The following PKD2L2 variants were observed in gnomAD, a reference collection of about 807,000 sequenced individuals.
The protein encoded by PKD2L2 is polycystin-2-like protein 2.
Under a neutral mutation model 83.9 loss-of-function variants are expected in PKD2L2, and 67 were observed. The observed-to-expected ratio is 0.80, with a 90% CI of 0.66 to 0.98. The LOEUF (loss-of-function observed/expected upper bound fraction) is 0.98, where lower values mean the gene tolerates loss of function less well. PKD2L2 is among the 50% of genes least tolerant of loss of function. The pLI, the probability that PKD2L2 is intolerant of heterozygous loss-of-function variation, is 0.00. For missense variants in PKD2L2, 632 were observed against 717.2 expected (o/e 0.88, Z 1.36); for synonymous variants, 223 against 237.8 (o/e 0.94, Z 0.57).
At chr5:137,927,062 A>G (rs1301685332) in intron 12 of PKD2L2, among the ~76,000 whole-genome samples, 1 of 152,220 alleles carries the variant, frequency 6.6e-6, no homozygotes, top group African/African-American at 2.4e-5. Context: ...GCCAAATTTG[A>G]GAATATTTAA....
At chr5:137,893,725 C>G (rs17601227) in intron 3 of PKD2L2, among the ~76,000 whole-genome samples, 33,610 of 152,082 alleles carry the variant, frequency 0.22, 4,258 homozygotes, top group African/African-American at 0.35. Flanking sequence ...CAAGGAGACA[C>G]GGTCATTTCC....
chr5:137,889,501 G>T lies in PKD2L2; in HGVS notation c.10G>T (p.Ala4Ser). 6.4e-7 allele frequency: 1 copy of T among 1,561,588 alleles called. No homozygotes were observed. Residue 4 changes from alanine to serine, a missense_variant, in exon 1 of 15, where the codon GCG (alanine) becomes TCG (serine). Ala to Ser is a moderately conservative substitution (Grantham distance 99, BLOSUM62 1). Around this residue, in one of 3 missense-constraint regions of PKD2L2, gnomAD observed 229 missense variants for 281.5 expected, o/e 0.81. Coordinates refer to ENST00000508883, the MANE Select transcript of PKD2L2 (RefSeq NM_001300921.2). ...GTAGTGCAGGTCCGCCATGGCTGAG[G>T]CGTCACGGTGGCACCGAGGCGGTGA... is the stretch of plus-strand genomic sequence containing the variant. MAE[A>S]SRWHRGGASK...
chr5:137,921,724 A>C lies in PKD2L2; in HGVS notation c.1417A>C (p.Thr473Pro), dbSNP rs746603605. 3.7e-6 allele frequency: 6 copies of C among 1,608,320 alleles called. No individual in the cohort carries two copies. Among genetic ancestry groups the C allele is most frequent in the Non-Finnish European group, 5.1e-6 (6 of 1,176,092 alleles). The change falls in exon 9 of 15, where the codon ACT (threonine) becomes CCT (proline). Residue 473 changes from threonine (T) to proline (P), a missense_variant. By Grantham distance (38) the Thr-to-Pro change is conservative. Transcript: ENST00000508883. ...NPILGPIYFI[T>P]FIFFVFFVLL... ...TATCTTGGGACCCATTTACTTCATC[A>C]CTTTCATCTTTTTTGTGTTCTTTGT... is the stretch of plus-strand genomic sequence containing the variant.
At chr5:137,934,702 C>T (rs1205591101) in intron 12 of PKD2L2, among the ~76,000 whole-genome samples, 1 of 152,132 alleles carries the variant, frequency 6.6e-6, no homozygotes, top group East Asian at 1.9e-4. Flanking sequence ...ATCCCAGCTA[C>T]TCGGGAGGCT....
chr5:137,893,683 T>C (rs1305623562), intron 3 of PKD2L2, among the ~76,000 whole-genome samples: 1 of 152,180 alleles, frequency 6.6e-6, no homozygotes. Context: ...AGAGTTCATA[T>C]CATGAATGCT....
intron 12 of PKD2L2, among the ~76,000 whole-genome samples, chr5:137,929,607 C>T (rs1759698561): frequency 1.1e-5 from 1 of 94,488 alleles, no homozygotes; most frequent in African/African-American, 4.0e-5. Context: ...AACAGTATAA[C>T]TGCAACCAGA....
intron 1 of PKD2L2, 96 bp from the exon 2 acceptor site, chr5:137,890,385 G>T (rs773246182): frequency 3.0e-6 from 2 of 676,508 alleles, no homozygotes; most frequent in East Asian, 2.8e-5. Context: ...TTTCCTCCCC[G>T]CAGTGTAAGG....
chr5:137,939,685 A>G, intron 14 of PKD2L2: 1 of 201,414 alleles, frequency 5.0e-6, no homozygotes, highest in Non-Finnish European at 9.3e-6. Context: ...ATTAAACAGA[A>G]AGGTGTTCCA....
intron 6 of PKD2L2, 77 bp downstream of exon 6, chr5:137,906,511 A>C (rs182392315): frequency 1.4e-6 from 1 of 692,888 alleles, no homozygotes; most frequent in African/African-American, 1.8e-5. Flanking sequence ...AAAAGACAGA[A>C]TCTTCTATTC....
At chr5:137,893,823 T>C (rs1428171802) in intron 3 of PKD2L2, among the ~76,000 whole-genome samples, 2 of 151,962 alleles carry the variant, frequency 1.3e-5, no homozygotes, top group East Asian at 3.9e-4. Flanking sequence ...ATAAAAGAGG[T>C]GGAGGTCACC....
At position 137,935,888 on chromosome 5, in the gene PKD2L2, T is replaced by A. The variant is rs1175462548; in HGVS notation, c.1763T>A (p.Val588Asp). 6.3e-7 allele frequency: 1 copy of A among 1,586,002 alleles called. No homozygotes were observed. The highest frequency in any genetic ancestry group is 1.1e-5 in the South Asian group (1 of 90,350). Reference sequence around the variant, plus strand: ...GAAATTCAAGATGACTACCAGCCTGTCACTCAAGAAGAATTTCGAGAGTAA... The same window carrying A: ...GAAATTCAAGATGACTACCAGCCTGACACTCAAGAAGAATTTCGAGAGTAA... The part of the protein sequence containing the change: ...SMEIQDDYQP[V>D]TQEEFRELFL... Residue 588 changes from valine (V) to aspartate (D), a missense_variant, in exon 13 of 15, where the codon GTC (valine) becomes GAC (aspartate). By Grantham distance (152) the Val-to-Asp change is radical. This residue lies in a region of PKD2L2 where 399 missense variants were observed against 416.9 expected (regional missense o/e 0.96). Coordinates refer to ENST00000508883, the MANE Select transcript of PKD2L2 (RefSeq NM_001300921.2).
intron 8 of PKD2L2, among the ~76,000 whole-genome samples, chr5:137,914,810 C>T (rs1366711335): frequency 1.3e-5 from 2 of 152,040 alleles, no homozygotes; most frequent in Non-Finnish European, 2.9e-5. Context: ...TCTTTCTATA[C>T]CTAATTTGTT....
At chr5:137,897,161 A>G (rs1380365991) in intron 4 of PKD2L2, among the ~76,000 whole-genome samples, 1 of 151,596 alleles carries the variant, frequency 6.6e-6, no homozygotes, top group Non-Finnish European at 1.5e-5. Context: ...GGCTCAAGCA[A>G]TCCTCCTGCC....
chr5:137,925,978 A>G, intron 12 of PKD2L2, 49 bp downstream of exon 12: 1 of 1,021,128 alleles, frequency 9.8e-7, no homozygotes, highest in East Asian at 2.4e-5. Context: ...TGTATTAGAA[A>G]TATGCTCACA....
At chr5:137,929,711 G>A (rs963589477) in intron 12 of PKD2L2, among the ~76,000 whole-genome samples, 3 of 151,950 alleles carry the variant, frequency 2.0e-5, no homozygotes, top group Non-Finnish European at 2.9e-5. Flanking sequence ...ATAAAGGCTC[G>A]AACATGCAAG....
chr5:137,935,671 G>A (rs141435302), intron 12 of PKD2L2, 126 bp from the exon 13 acceptor site: 49 of 607,516 alleles, frequency 8.1e-5, no homozygotes, highest in African/African-American at 8.0e-4. Flanking sequence ...AAAGTCAGCA[G>A]GGCTCAAAAT....
At chr5:137,907,713 A>G in intron 6 of PKD2L2, 29 bp from the exon 7 acceptor site, 2 of 1,350,364 alleles carry the variant, frequency 1.5e-6, no homozygotes, top group Non-Finnish European at 2.0e-6. Context: ...GATATTCTCT[A>G]ATTTAACCCT....
rs959872838 is a variant in PKD2L2, at chr5:137,906,423, C to G, written c.964C>G (p.Leu322Val). ...FKSIWNWLEL[L>V]LLLLCFVAVS... Reference sequence around the variant, plus strand: ...AAGTATTTGGAACTGGCTAGAATTGCTACTTTTGCTGGTGAGTATATATTC... The same window carrying G: ...AAGTATTTGGAACTGGCTAGAATTGGTACTTTTGCTGGTGAGTATATATTC... The change falls in exon 6 of 15, where the codon CTA (leucine) becomes GTA (valine). Residue 322 changes from leucine to valine, a missense_variant. Coordinates refer to ENST00000508883, the MANE Select transcript of PKD2L2 (RefSeq NM_001300921.2). 1 of 1,578,514 alleles carries G rather than the reference C, an allele frequency of 6.3e-7. No homozygotes were observed. Among genetic ancestry groups the G allele is most frequent in the Non-Finnish European group, 8.7e-7 (1 of 1,150,704 alleles).
chr5:137,894,805 G>T (rs1756299033), intron 4 of PKD2L2, among the ~76,000 whole-genome samples, 196 bp downstream of exon 4: 1 of 152,086 alleles, frequency 6.6e-6, no homozygotes. Flanking sequence ...TTTACTTTAG[G>T]ATGCAAAGTG....
Sources: allele counts gnomAD v4.1 joint callset (sites outside exome capture counted in the v4.1 genomes callset), GRCh38; gene constraint gnomAD v4.1.1; regional missense constraint gnomAD v4.1.1; transcripts MANE v1.5; gene names NCBI Gene and HGNC (gene_info 2026-07-23, HGNC 2026-07-21).